NRXN1: variants seen among roughly 807,000 people sequenced by gnomAD.
NRXN1 encodes neurexin 1.
A neutral mutation model predicts 150.9 loss-of-function variants in NRXN1; 39 were observed. The observed-to-expected ratio is 0.26, with a 90% CI of 0.20 to 0.34. The LOEUF is 0.34. NRXN1 is among the 10% of genes least tolerant of loss of function. The pLI, the probability that NRXN1 is intolerant of heterozygous loss-of-function variation, is 1.00. For synonymous variants in NRXN1, 924 were observed against 757.0 expected (o/e 1.22, Z -3.62); for missense variants, 1,815 against 1,949.9 (o/e 0.93, Z 1.30).
chr2:51,014,550 A>G (rs1668379707), intron 2 of NRXN1, among the ~76,000 whole-genome samples: 1 of 152,030 alleles, frequency 6.6e-6, no homozygotes, highest in South Asian at 2.1e-4. Context: ...GCTTATACAG[A>G]CTTCTTTGAA....
intron 12 of NRXN1, among the ~76,000 whole-genome samples, chr2:50,517,902 A>G (rs1004908779): frequency 1.3e-5 from 2 of 152,120 alleles, no homozygotes; most frequent in Admixed American, 1.3e-4. Flanking sequence ...ATTATCTACA[A>G]AATAAATTTC....
chr2:50,304,988 G>A (rs1167370079), intron 17 of NRXN1, among the ~76,000 whole-genome samples: 2 of 152,110 alleles, frequency 1.3e-5, no homozygotes, highest in Non-Finnish European at 2.9e-5. Flanking sequence ...TACTCGGGAG[G>A]CTCAGGCAGG....
intron 21 of NRXN1, among the ~76,000 whole-genome samples, chr2:50,014,242 A>C (rs908425602): frequency 1.3e-5 from 2 of 152,092 alleles, no homozygotes; most frequent in Non-Finnish European, 2.9e-5. Flanking sequence ...AACCATTCGA[A>C]AATGCTATTT....
At chr2:50,644,234 CT>C (rs1684478780) in intron 5 of NRXN1, among the ~76,000 whole-genome samples, 1 of 151,490 alleles carries the variant, frequency 6.6e-6, no homozygotes, top group Admixed American at 6.6e-5. Flanking sequence ...TAGTCAATAA[CT>C]TTTGCCTTCC....
intron 5 of NRXN1, among the ~76,000 whole-genome samples, chr2:50,677,907 C>T (rs2352072): frequency 0.11 from 16,731 of 152,014 alleles, 1,354 homozygotes; most frequent in East Asian, 0.3. Flanking sequence ...TTTTAAACGA[C>T]ATCTCAGAAA....
chr2:50,512,631 C>A (rs2092492311), intron 12 of NRXN1, among the ~76,000 whole-genome samples: 1 of 152,154 alleles, frequency 6.6e-6, no homozygotes, highest in Admixed American at 6.5e-5. Context: ...TTGTTATTGG[C>A]AGGATGAAAC....
chr2:50,438,116 A>G (rs77122876), intron 17 of NRXN1, among the ~76,000 whole-genome samples: 1,836 of 152,310 alleles, frequency 0.012, 37 homozygotes, highest in African/African-American at 0.04. Context: ...GACTTCTAGT[A>G]GAATCAAAAA....
At chr2:50,208,405 A>C (rs1054603924) in intron 18 of NRXN1, among the ~76,000 whole-genome samples, 1 of 152,106 alleles carries the variant, frequency 6.6e-6, no homozygotes, top group Non-Finnish European at 1.5e-5. Context: ...GTATCAAATG[A>C]AGGAAATACA....
At chr2:50,309,359 G>T (rs540697605) in intron 17 of NRXN1, among the ~76,000 whole-genome samples, 1 of 152,072 alleles carries the variant, frequency 6.6e-6, no homozygotes, top group East Asian at 1.9e-4. Flanking sequence ...GCTTCCATTG[G>T]TATCTCTGAC....
intron 4 of NRXN1, 124 bp from the exon 5 acceptor site, chr2:50,922,004 G>C: frequency 2.1e-6 from 1 of 479,316 alleles, no homozygotes; most frequent in Non-Finnish European, 3.7e-6. Context: ...AATTAAACAA[G>C]ACATGAAAGT....
At chr2:50,926,747 A>C (rs911718404) in intron 2 of NRXN1, among the ~76,000 whole-genome samples, 1 of 151,858 alleles carries the variant, frequency 6.6e-6, no homozygotes, top group Non-Finnish European at 1.5e-5. Flanking sequence ...TATTTAGCTC[A>C]ATTTCTCTTA....
intron 17 of NRXN1, among the ~76,000 whole-genome samples, chr2:50,419,922 T>C (rs1053480935): frequency 6.6e-6 from 1 of 152,074 alleles, no homozygotes; most frequent in Non-Finnish European, 1.5e-5. Flanking sequence ...CTAATGCTTC[T>C]GCATCCCACC....
At chr2:49,988,194 A>G (rs978372239) in intron 21 of NRXN1, among the ~76,000 whole-genome samples, 2 of 151,624 alleles carry the variant, frequency 1.3e-5, no homozygotes, top group Non-Finnish European at 2.9e-5. Context: ...TACATAATAA[A>G]TAATTTCTTT....
At chr2:50,036,552 T>G (rs1690068700) in intron 21 of NRXN1, among the ~76,000 whole-genome samples, 1 of 152,194 alleles carries the variant, frequency 6.6e-6, no homozygotes, top group Non-Finnish European at 1.5e-5. Context: ...ACTTTTTAAC[T>G]TTTTAGCTAT....
At chr2:50,978,067 C>T (rs1210203741) in intron 2 of NRXN1, among the ~76,000 whole-genome samples, 1 of 150,958 alleles carries the variant, frequency 6.6e-6, no homozygotes, top group African/African-American at 2.4e-5. Flanking sequence ...CAAAATATTG[C>T]CCTACTGATA....
chr2:50,807,468 T>C (rs1296622489), intron 5 of NRXN1, among the ~76,000 whole-genome samples: 1 of 152,204 alleles, frequency 6.6e-6, no homozygotes, highest in Non-Finnish European at 1.5e-5. Context: ...CCTATATTTC[T>C]GAATCACTGG....
intron 17 of NRXN1, among the ~76,000 whole-genome samples, chr2:50,424,800 C>T (rs943771721): frequency 6.6e-6 from 1 of 152,150 alleles, no homozygotes; most frequent in Non-Finnish European, 1.5e-5. Flanking sequence ...TCCTTCTTTG[C>T]TCTGATTCTA....
At chr2:50,779,244 A>G (rs1009085117) in intron 5 of NRXN1, among the ~76,000 whole-genome samples, 1 of 112,178 alleles carries the variant, frequency 8.9e-6, no homozygotes, top group Non-Finnish European at 1.8e-5. Flanking sequence ...CTCACTGTGC[A>G]ACTCCCACTT....
chr2:50,462,226 T>A (rs114615812), intron 17 of NRXN1, among the ~76,000 whole-genome samples: 1,679 of 151,968 alleles, frequency 0.011, 27 homozygotes, highest in African/African-American at 0.038. Context: ...TTATTCCTAG[T>A]AGAAGTATAG....
Sources: allele counts gnomAD v4.1 joint callset (sites outside exome capture counted in the v4.1 genomes callset), GRCh38; gene constraint gnomAD v4.1.1; transcripts MANE v1.5; gene names NCBI Gene and HGNC (gene_info 2026-07-23, HGNC 2026-07-21).